The following ULK4 variants were observed in gnomAD, a reference collection of about 807,000 sequenced individuals.
The protein encoded by ULK4 is inactive serine/threonine-protein kinase ULK4.
Under a neutral mutation model 160.6 loss-of-function variants are expected in ULK4, and 133 were observed. The ratio of observed to expected loss-of-function variants is 0.83; its 90% CI spans 0.72 to 0.96. ULK4 has a LOEUF of 0.96. Among genes scored for constraint, ULK4 ranks in the 40% least tolerant of loss-of-function variants. The pLI, the probability that ULK4 is intolerant of heterozygous loss-of-function variation, is 0.00. For synonymous variants in ULK4, 534 were observed against 539.8 expected, an observed-to-expected ratio of 0.99 and a Z score of 0.15; for missense variants, 1,580 against 1,499.5, an observed-to-expected ratio of 1.05 and a Z score of -0.89.
chr3:41,497,388 ATAGAC>A (rs1395257698), intron 32 of ULK4, among the ~76,000 whole-genome samples: 11 of 152,070 alleles, frequency 7.2e-5, no homozygotes, highest in Admixed American at 5.2e-4. Flanking sequence ...ACTACACCAA[ATAGAC>A]TAATGTATAT....
At chr3:41,411,248 G>C (rs2082403200) in intron 34 of ULK4, among the ~76,000 whole-genome samples, 1 of 151,942 alleles carries the variant, frequency 6.6e-6, no homozygotes, top group East Asian at 1.9e-4. Flanking sequence ...TCAGGGAAGT[G>C]GGGGGTCTAG....
At chr3:41,874,930 T>A (rs527391151) in intron 17 of ULK4, among the ~76,000 whole-genome samples, 183 of 152,260 alleles carry the variant, frequency 1.2e-3, no homozygotes, top group Non-Finnish European at 1.7e-3. Context: ...TCCCAGCACT[T>A]TGGAAGGCTG....
chr3:41,678,682 T>G (rs1188399806), intron 29 of ULK4, among the ~76,000 whole-genome samples: 1 of 152,254 alleles, frequency 6.6e-6, no homozygotes. Flanking sequence ...AAGTCTTGAC[T>G]AATACAATAC....
intron 2 of ULK4, among the ~76,000 whole-genome samples, chr3:41,941,546 G>C (rs776004625): frequency 1.1e-4 from 17 of 151,128 alleles, no homozygotes; most frequent in Non-Finnish European, 2.2e-4. Context: ...GCAAAAAGCA[G>C]AGCGACCAAG....
At chr3:41,606,528 T>C (rs2032391424) in intron 31 of ULK4, among the ~76,000 whole-genome samples, 1 of 152,026 alleles carries the variant, frequency 6.6e-6, no homozygotes, top group Admixed American at 6.6e-5. Flanking sequence ...CTATTTTTAG[T>C]TCTTAAAGAA....
chr3:41,673,052 C>T (rs146517767), intron 29 of ULK4, among the ~76,000 whole-genome samples: 8,600 of 152,064 alleles, frequency 0.057, 315 homozygotes, highest in Non-Finnish European at 0.089. Context: ...GTTCCCCAGG[C>T]TGGTCTCAAA....
At chr3:41,586,987 C>G (rs2030863322) in intron 31 of ULK4, among the ~76,000 whole-genome samples, 1 of 152,132 alleles carries the variant, frequency 6.6e-6, no homozygotes, top group South Asian at 2.1e-4. Context: ...GGTCAGAATT[C>G]AAGGCAGGCT....
At chr3:41,391,967 C>G (rs79769310) in intron 35 of ULK4, among the ~76,000 whole-genome samples, 3,375 of 152,110 alleles carry the variant, frequency 0.022, 141 homozygotes, top group African/African-American at 0.072. Flanking sequence ...GACTATTTTT[C>G]TGCTTTCAGA....
intron 5 of ULK4, among the ~76,000 whole-genome samples, chr3:41,926,280 A>G (rs1262387075): frequency 1.3e-5 from 2 of 152,220 alleles, no homozygotes; most frequent in Non-Finnish European, 2.9e-5. Flanking sequence ...GAAAACTAAC[A>G]AACAGAAAAG....
chr3:41,663,047 C>G (rs1233690449), intron 30 of ULK4, among the ~76,000 whole-genome samples: 1 of 151,784 alleles, frequency 6.6e-6, no homozygotes, highest in Non-Finnish European at 1.5e-5. Context: ...ATGGTGAAAC[C>G]CCATCTCTAC....
intron 17 of ULK4, among the ~76,000 whole-genome samples, chr3:41,855,416 G>C (rs1228203105): frequency 6.6e-6 from 1 of 152,164 alleles, no homozygotes; most frequent in Non-Finnish European, 1.5e-5. Context: ...ATCTACTGCA[G>C]TGTGGATGAT....
chr3:41,616,706 T>C (rs1257303934), intron 30 of ULK4, among the ~76,000 whole-genome samples: 1 of 152,174 alleles, frequency 6.6e-6, no homozygotes, highest in South Asian at 2.1e-4. Flanking sequence ...GGGAGGCTGT[T>C]TGGGCATTCA....
At chr3:41,477,150 A>C (rs1204525241) in intron 32 of ULK4, among the ~76,000 whole-genome samples, 1 of 152,202 alleles carries the variant, frequency 6.6e-6, no homozygotes, top group Non-Finnish European at 1.5e-5. Flanking sequence ...ATTTTGCATT[A>C]ATTATAACCA....
At chr3:41,378,457 A>G (rs2081564696) in intron 35 of ULK4, among the ~76,000 whole-genome samples, 1 of 152,106 alleles carries the variant, frequency 6.6e-6, no homozygotes, top group Non-Finnish European at 1.5e-5. Context: ...CAGCCATAAA[A>G]AAGGATGAGT....
At chr3:41,283,043 A>G (rs974568678) in intron 35 of ULK4, among the ~76,000 whole-genome samples, 4 of 152,218 alleles carry the variant, frequency 2.6e-5, no homozygotes, top group African/African-American at 9.6e-5. Context: ...ACACATGAAA[A>G]AATGCTCACC....
In ULK4 at chr3:41,331,509, A is replaced by C. The variant is rs981765343; in HGVS notation, c.3678+66570T>G. ...AAAATATCTGTCTAAGGTTTTTCCA[A>C]TGCTTTTTATTTCCTGTCCAATCTC... On this transcript the variant is annotated intron_variant, in intron 35 of 36. Coordinates refer to ENST00000301831, the MANE Select transcript of ULK4 (RefSeq NM_017886.4). Among the ~76,000 whole-genome samples the C allele has an allele frequency of 2.6e-5, 4 of 152,292 alleles. No individual in the cohort carries two copies. The South Asian group carries it at 8.3e-4, about 32-fold the overall frequency.
At chr3:41,917,742 G>A (rs1471527678) in intron 7 of ULK4, among the ~76,000 whole-genome samples, 1 of 152,138 alleles carries the variant, frequency 6.6e-6, no homozygotes, top group African/African-American at 2.4e-5. Flanking sequence ...AGCACTTTGG[G>A]AGGCTGAGGT....
At chr3:41,324,314 G>A (rs2080302476) in intron 35 of ULK4, among the ~76,000 whole-genome samples, 1 of 152,154 alleles carries the variant, frequency 6.6e-6, no homozygotes, top group Non-Finnish European at 1.5e-5. Flanking sequence ...AACTGTCTGA[G>A]GGGGACCACT....
At chr3:41,784,160 C>T (rs1194675291) in intron 21 of ULK4, among the ~76,000 whole-genome samples, 5 of 152,056 alleles carry the variant, frequency 3.3e-5, no homozygotes, top group Admixed American at 2.0e-4. Context: ...ATTGGCCAGG[C>T]GTGGTGGCTC....
Sources: allele counts gnomAD v4.1 joint callset (sites outside exome capture counted in the v4.1 genomes callset), GRCh38; gene constraint gnomAD v4.1.1; transcripts MANE v1.5; gene names NCBI Gene and HGNC (gene_info 2026-07-23, HGNC 2026-07-21).